UNC5D: variants seen among roughly 807,000 people sequenced by gnomAD.
UNC5D encodes the protein netrin receptor UNC5D.
Under a neutral mutation model 105.4 loss-of-function variants are expected in UNC5D, and 39 were observed. The observed-to-expected ratio is 0.37, with a 90% confidence interval of 0.29 to 0.48. The LOEUF is 0.48. UNC5D is among the 20% of genes least tolerant of loss of function. The pLI, the probability that UNC5D is intolerant of heterozygous loss-of-function variation, is 0.98. For missense variants in UNC5D, 991 were observed against 1,202.4 expected (o/e 0.82, Z 2.60); for synonymous variants, 452 against 450.4 (o/e 1.00, Z -0.04).
Position 35,722,210 on chromosome 8 carries a change from G to A in UNC5D, c.1118G>A (p.Ser373Asn), listed in dbSNP as rs369902518. Residue 373 changes from serine (S) to asparagine (N), a missense_variant and splice_region_variant, in exon 9 of 17, where the codon AGC (serine) becomes AAC (asparagine). By Grantham distance (46) the Ser-to-Asn change is conservative (BLOSUM62 1). Transcript: ENST00000404895. ...TTACAATTTCTCTTGTGTCTTTCAG[G>A]CATTGAGAATGCCAGCGACATTGCT... ...KKPLHEIKPQ[S>N]IENASDIALY... The A allele has an allele frequency of 6.8e-6, 11 of 1,613,018 alleles. No individual in the cohort carries two copies. Among genetic ancestry groups the A allele is most frequent in the Non-Finnish European group, 9.3e-6 (11 of 1,179,760 alleles).
At chr8:35,385,868 G>A (rs1232302167) in intron 1 of UNC5D, among the ~76,000 whole-genome samples, 1 of 152,090 alleles carries the variant, frequency 6.6e-6, no homozygotes, top group Non-Finnish European at 1.5e-5. Context: ...AGTTGAAATT[G>A]TTTTTCATGG....
chr8:35,365,955 C>T (rs1165493014), intron 1 of UNC5D, among the ~76,000 whole-genome samples: 2 of 152,028 alleles, frequency 1.3e-5, no homozygotes, highest in African/African-American at 4.8e-5. Context: ...AGGAAATAAA[C>T]AGAAGAATAA....
chr8:35,785,988 C>T (rs1004685054), intron 16 of UNC5D, among the ~76,000 whole-genome samples: 2 of 152,116 alleles, frequency 1.3e-5, no homozygotes, highest in Non-Finnish European at 2.9e-5. Flanking sequence ...TTTGATTTCG[C>T]AATAATGAAA....
chr8:35,500,017 C>A (rs1003133149), intron 1 of UNC5D, among the ~76,000 whole-genome samples: 5 of 152,180 alleles, frequency 3.3e-5, no homozygotes, highest in African/African-American at 1.2e-4. Context: ...AAACCCTAAA[C>A]AGTATTGAAC....
chr8:35,235,566 C>T lies in UNC5D; in HGVS notation c.-219C>T. On this transcript the variant is annotated 5_prime_UTR_variant, in exon 1 of 17. Coordinates refer to ENST00000404895, the MANE Select transcript of UNC5D (RefSeq NM_080872.4). ...CGGCATCCGCGCTGGCGGCAGCGGTCGCCGCGCCGTGGGAAGCTATGGGGA... is the reference window on the plus strand; with the variant it reads ...CGGCATCCGCGCTGGCGGCAGCGGTTGCCGCGCCGTGGGAAGCTATGGGGA... The T allele has an allele frequency of 2.6e-6, 1 of 378,038 alleles. No homozygotes were observed. Among genetic ancestry groups the T allele is most frequent in the Non-Finnish European group, 4.6e-6 (1 of 215,544 alleles). 23.4% of individuals were successfully genotyped at this position (378,038 alleles called of 1,614,324 possible).
At position 35,590,529 on chromosome 8, in the gene UNC5D, TTTA is replaced by T. The variant is rs1449517884; in HGVS notation, c.467-5022_467-5020del. ...TTTAATCATATCCTGCATTATTCTTTTTATTTAAGTGTCTCTGAAAAATGCACT... is the reference window on the plus strand; with the variant it reads ...TTTAATCATATCCTGCATTATTCTTTTTTAAGTGTCTCTGAAAAATGCACT... On this transcript the variant is annotated intron_variant, in intron 3 of 16. Transcript: ENST00000404895. Among the ~76,000 whole-genome samples the T allele has an allele frequency of 2.6e-5, 4 of 152,210 alleles. 1 individual carries two copies. The highest frequency in any genetic ancestry group is 2.6e-4 in the Admixed American group (4 of 15,276).
intron 4 of UNC5D, among the ~76,000 whole-genome samples, chr8:35,602,617 T>G (rs1334407463): frequency 6.6e-6 from 1 of 152,192 alleles, no homozygotes; most frequent in African/African-American, 2.4e-5. Context: ...CTGATGGCAG[T>G]TTGTATTTCT....
chr8:35,679,040 G>A (rs979968644), intron 4 of UNC5D, among the ~76,000 whole-genome samples: 14 of 152,024 alleles, frequency 9.2e-5, no homozygotes, highest in South Asian at 6.2e-4. Flanking sequence ...CTTGAGCCCA[G>A]GAGTTCGAGA....
At chr8:35,562,784 T>G (rs1233614192) in intron 2 of UNC5D, among the ~76,000 whole-genome samples, 1 of 152,090 alleles carries the variant, frequency 6.6e-6, no homozygotes, top group Non-Finnish European at 1.5e-5. Flanking sequence ...GTTATTTCCT[T>G]TGCTGTTCAG....
At position 35,340,520 on chromosome 8, in the gene UNC5D, G is replaced by T. The variant is rs1811384515; in HGVS notation, c.103+104633G>T. 2.6e-5 allele frequency among the ~76,000 whole-genome samples: 4 copies of T among 152,264 alleles called. 1 individual carries two copies. The highest frequency in any genetic ancestry group is 2.6e-4 in the Admixed American group (4 of 15,290). On this transcript the variant is annotated intron_variant, in intron 1 of 16. Coordinates refer to ENST00000404895, the MANE Select transcript of UNC5D (RefSeq NM_080872.4). The stretch of plus-strand genomic sequence containing the variant: ...AGTATGGATGAAAACATTGGAGAAA[G>T]TATCTCTGGTTAAAGGGAAGGTTTG...
chr8:35,635,212 C>T (rs1822287768), intron 4 of UNC5D, among the ~76,000 whole-genome samples: 1 of 152,042 alleles, frequency 6.6e-6, no homozygotes, highest in Non-Finnish European at 1.5e-5. Flanking sequence ...CTTGACTCTC[C>T]CTTTCCTCCT....
At chr8:35,674,224 T>TTTTC (rs1451082854) in intron 4 of UNC5D, among the ~76,000 whole-genome samples, 5 of 152,308 alleles carry the variant, frequency 3.3e-5, no homozygotes, top group African/African-American at 9.6e-5. Context: ...ATTTTCAAAA[T>TTTTC]TTTCTTTAAT....
At chr8:35,294,940 G>A (rs117441238) in intron 1 of UNC5D, among the ~76,000 whole-genome samples, 16 of 152,074 alleles carry the variant, frequency 1.1e-4, no homozygotes, top group African/African-American at 1.4e-4. Flanking sequence ...TGAAAAATAC[G>A]CAAGAACCAT....
At chr8:35,684,875 T>G (rs758251049) in intron 6 of UNC5D, 126 bp downstream of exon 6, 153 of 1,232,912 alleles carry the variant, frequency 1.2e-4, no homozygotes, top group Non-Finnish European at 1.6e-4. Context: ...AGAACATTTA[T>G]CCAAGGTGCT....
intron 6 of UNC5D, among the ~76,000 whole-genome samples, chr8:35,685,503 G>GTCTT (rs1048268808): frequency 6.6e-6 from 1 of 152,142 alleles, no homozygotes. Context: ...AGAGTCTCAT[G>GTCTT]TCTTTATAAT....
chr8:35,346,990 C>T (rs1811851253), intron 1 of UNC5D, among the ~76,000 whole-genome samples: 1 of 151,972 alleles, frequency 6.6e-6, no homozygotes, highest in Admixed American at 6.6e-5. Context: ...AGAGTTTATA[C>T]ATTAAAGCAC....
rs1431405383 is a variant in UNC5D, at chr8:35,795,122, G to A, written c.*4559G>A. On this transcript the variant is annotated 3_prime_UTR_variant, in exon 17 of 17. Coordinates refer to ENST00000404895, the MANE Select transcript of UNC5D (RefSeq NM_080872.4). ...GATAAAAAAGGCATCAAGCTTCATG[G>A]TTATGCCTAAGCTTAAAAATTCCCT... 6.6e-6 allele frequency: 1 copy of A among 152,080 alleles called. No homozygotes were observed. Among genetic ancestry groups the A allele is most frequent in the Non-Finnish European group, 1.5e-5 (1 of 68,006 alleles). The allele number at this position is 152,080 out of a possible 1,614,324, so 9.4% of individuals were successfully genotyped here. A position where few individuals can be genotyped will look rare whatever the true frequency, so the allele number is the denominator to read the frequency against.
At chr8:35,555,031 T>C (rs1816438080) in intron 2 of UNC5D, among the ~76,000 whole-genome samples, 1 of 152,216 alleles carries the variant, frequency 6.6e-6, no homozygotes, top group African/African-American at 2.4e-5. Flanking sequence ...AATGGGGATT[T>C]GAATATAGTA....
intron 1 of UNC5D, among the ~76,000 whole-genome samples, chr8:35,263,275 CATTTA>C (rs1804613030): frequency 6.6e-6 from 1 of 152,210 alleles, no homozygotes; most frequent in South Asian, 2.1e-4. Flanking sequence ...TAAAATGTGG[CATTTA>C]ATTTATCAAA....
Sources: gnomAD v4.1 joint callset for allele counts (sites outside exome capture counted in the v4.1 genomes callset) on GRCh38, gnomAD v4.1.1 for gene constraint, MANE v1.5 for transcripts, NCBI Gene and HGNC (gene_info 2026-07-23, HGNC 2026-07-21) for gene names.